CNTN4: variants seen among roughly 807,000 people sequenced by gnomAD.
CNTN4 encodes contactin 4, also known as contactin-4.
A neutral mutation model predicts 122.5 loss-of-function variants in CNTN4; 77 were observed. The observed-to-expected ratio is 0.63, with a 90% CI of 0.52 to 0.76. The LOEUF is 0.76. Among genes scored for constraint, CNTN4 ranks in the 30% least tolerant of loss-of-function variants. The pLI, the probability that CNTN4 is intolerant of heterozygous loss-of-function variation, is 0.00. For missense variants in CNTN4, 1,256 were observed against 1,259.1 expected (o/e 1.00, Z 0.04); for synonymous variants, 512 against 447.0 (o/e 1.15, Z -1.83).
intron 2 of CNTN4, among the ~76,000 whole-genome samples, chr3:2,115,231 T>C (rs1307190339): frequency 1.3e-5 from 2 of 152,230 alleles, no homozygotes; most frequent in East Asian, 3.9e-4. Flanking sequence ...AAATGGTTAG[T>C]AGATGTATGC....
intron 6 of CNTN4, among the ~76,000 whole-genome samples, chr3:2,811,062 G>C (rs1317553145): frequency 6.6e-6 from 1 of 151,914 alleles, no homozygotes; most frequent in Non-Finnish European, 1.5e-5. Context: ...TTCTGTGAAT[G>C]AGTCATTTGT....
At chr3:2,270,549 T>C (rs963171940) in intron 2 of CNTN4, among the ~76,000 whole-genome samples, 3 of 152,164 alleles carry the variant, frequency 2.0e-5, no homozygotes. Context: ...TGTGGGGCCC[T>C]ACTTTCCTTC....
rs868462697 is a variant in CNTN4 at position 2,222,436 on chromosome 3, G to A, written c.-144-116742G>A. On this transcript the variant is annotated intron_variant, in intron 2 of 24. Transcript: ENST00000418658. ...CTCCAAAGAAAACATGGGAGTAAAT[G>A]TATGTGGGCTGATTTTTGTGAAGAT... is the stretch of plus-strand genomic sequence containing the variant. Among the ~76,000 whole-genome samples, 13 of 152,226 alleles carry A rather than the reference G, an allele frequency of 8.5e-5. No homozygotes were observed. In the South Asian group the frequency reaches 2.5e-3, roughly 29 times the overall value.
intron 3 of CNTN4, among the ~76,000 whole-genome samples, chr3:2,512,649 G>A (rs550458821): frequency 7.2e-5 from 11 of 152,164 alleles, no homozygotes; most frequent in Admixed American, 5.2e-4. Flanking sequence ...TTGAGCTGTT[G>A]TAAAAATTGA....
intron 4 of CNTN4, among the ~76,000 whole-genome samples, chr3:2,642,849 G>A (rs1390801999): frequency 6.6e-6 from 1 of 151,994 alleles, no homozygotes; most frequent in Non-Finnish European, 1.5e-5. Flanking sequence ...AGACCCAGGG[G>A]GCATATTTTG....
chr3:2,397,988 G>A (rs1275119781), intron 3 of CNTN4, among the ~76,000 whole-genome samples: 1 of 152,046 alleles, frequency 6.6e-6, no homozygotes, highest in Non-Finnish European at 1.5e-5. Context: ...TATGAAAATG[G>A]CTTGAGTGAT....
intron 3 of CNTN4, among the ~76,000 whole-genome samples, chr3:2,543,742 T>C (rs2078126808): frequency 6.6e-6 from 1 of 152,168 alleles, no homozygotes; most frequent in Non-Finnish European, 1.5e-5. Flanking sequence ...GGTCCAAGAC[T>C]GAATTAAGAA....
intron 3 of CNTN4, among the ~76,000 whole-genome samples, chr3:2,394,104 A>T (rs1423927045): frequency 6.6e-6 from 1 of 152,202 alleles, no homozygotes; most frequent in African/African-American, 2.4e-5. Context: ...CATCAATGAA[A>T]GCTAAATTTT....
chr3:2,431,647 C>T (rs1031284214), intron 3 of CNTN4, among the ~76,000 whole-genome samples: 7 of 152,090 alleles, frequency 4.6e-5, no homozygotes, highest in East Asian at 3.9e-4. Context: ...CTATGCTTGC[C>T]GCTGAGGACA....
chr3:2,837,831 G>A (rs557245264), intron 7 of CNTN4, among the ~76,000 whole-genome samples: 1 of 152,272 alleles, frequency 6.6e-6, no homozygotes, highest in Admixed American at 6.5e-5. Context: ...TCTGAAATAT[G>A]TCATGCTTTA....
intron 7 of CNTN4, among the ~76,000 whole-genome samples, chr3:2,863,220 G>C (rs1327706457): frequency 6.6e-6 from 1 of 152,030 alleles, no homozygotes; most frequent in Non-Finnish European, 1.5e-5. Flanking sequence ...GGTGATATTT[G>C]ATCGTGAAAA....
At chr3:3,020,855 A>G (rs886666308) in intron 14 of CNTN4, among the ~76,000 whole-genome samples, 21 of 152,208 alleles carry the variant, frequency 1.4e-4, no homozygotes, top group African/African-American at 4.8e-4. Context: ...TTTAGCTGCT[A>G]TGGAATTATT....
intron 2 of CNTN4, among the ~76,000 whole-genome samples, chr3:2,312,386 C>T (rs1041542364): frequency 6.6e-6 from 1 of 152,146 alleles, no homozygotes; most frequent in Non-Finnish European, 1.5e-5. Flanking sequence ...CAACATTTGA[C>T]ATACAGCATA....
chr3:2,217,657 C>G (rs1357745864), intron 2 of CNTN4, among the ~76,000 whole-genome samples: 2 of 148,308 alleles, frequency 1.3e-5, no homozygotes, highest in Non-Finnish European at 3.0e-5. Context: ...TATCGCAAAA[C>G]CAAAGGCCTG....
Position 2,287,699 on chromosome 3 carries a change from AGAAGAAGAAGAG to A in CNTN4, c.-144-51467_-144-51456del, listed in dbSNP as rs1559415846. 8.4e-3 allele frequency among the ~76,000 whole-genome samples: 695 copies of A among 82,348 alleles called. 12 individuals carry two copies. The highest frequency in any genetic ancestry group is 0.016 in the Middle Eastern group (3 of 184). The allele number at this position is 82,348 out of a possible 152,430, so 54.0% of individuals were successfully genotyped here. A position where few individuals can be genotyped will look rare whatever the true frequency, so the allele number is the denominator to read the frequency against. ...AAGAAGAAGAAGAAGAAGAGGAAGA[AGAAGAAGAAGAG>A]GAAGAAGAAGAAGAAGAAGAAGAAG... On this transcript the variant is annotated intron_variant, in intron 2 of 24. Transcript: ENST00000418658.
intron 6 of CNTN4, among the ~76,000 whole-genome samples, chr3:2,775,420 T>C (rs1007812947): frequency 3.3e-5 from 5 of 152,108 alleles, no homozygotes; most frequent in African/African-American, 1.2e-4. Context: ...CTCTCTTTAT[T>C]TGATTTTATT....
intron 3 of CNTN4, among the ~76,000 whole-genome samples, chr3:2,346,851 A>C (rs530303117): frequency 2.0e-3 from 305 of 152,288 alleles, no homozygotes; most frequent in African/African-American, 5.4e-3. Flanking sequence ...TCTGTTTTCC[A>C]ACCTCAGGAC....
chr3:2,244,088 C>A (rs542268748), intron 2 of CNTN4, among the ~76,000 whole-genome samples: 10 of 152,128 alleles, frequency 6.6e-5, no homozygotes, highest in African/African-American at 2.2e-4. Flanking sequence ...TGGTACTGAA[C>A]CCTTATATAT....
intron 11 of CNTN4, among the ~76,000 whole-genome samples, chr3:2,901,448 A>G (rs2094172523): frequency 1.3e-5 from 2 of 152,136 alleles, no homozygotes; most frequent in Non-Finnish European, 2.9e-5. Context: ...CATGACAGGA[A>G]GAGAAAGGGG....
Sources: gnomAD v4.1 joint callset for allele counts (sites outside exome capture counted in the v4.1 genomes callset) on GRCh38, gnomAD v4.1.1 for gene constraint, MANE v1.5 for transcripts, NCBI Gene and HGNC (gene_info 2026-07-23, HGNC 2026-07-21) for gene names.